The following GPHN variants were observed in gnomAD, a reference collection of about 807,000 sequenced individuals.
GPHN encodes the protein gephyrin.
Under a neutral mutation model 95.5 loss-of-function variants are expected in GPHN, and 17 were observed. That is an observed-to-expected ratio of 0.18 (90% CI 0.12 to 0.27). GPHN has a LOEUF of 0.27. GPHN is among the 10% of genes least tolerant of loss of function. The probability of loss-of-function intolerance (pLI) is 1.00; values close to 1 mark genes in which losing one functional copy is unlikely to be tolerated. For synonymous variants in GPHN, 320 were observed against 322.5 expected (o/e 0.99, Z 0.08); for missense variants, 660 against 978.1 (o/e 0.67, Z 4.34).
At chr14:67,393,034 CCTGT>C in the GPHN span, 1 of 934,328 alleles carries the variant, frequency 1.1e-6, no homozygotes, top group South Asian at 1.4e-5. Flanking sequence ...CTCAGGCTAG[CCTGT>C]TGCCCAGCAG....
chr14:67,578,169 C>G, the GPHN span: 7 of 1,613,914 alleles, frequency 4.3e-6, no homozygotes, highest in Non-Finnish European at 5.9e-6. The surrounding 1 kb of genome is among the most constrained non-coding windows in gnomAD (Gnocchi z 5.0). Context: ...AGACCAGCTG[C>G]CGCCCACCTC....
the GPHN span, chr14:67,585,157 C>A: frequency 6.1e-6 from 1 of 163,600 alleles, no homozygotes; most frequent in South Asian, 1.7e-4. Context: ...GTCAGAAGCA[C>A]TTCGGCTTGG....
chr14:66,685,007 TTTTGTAC>T (rs1053302352), intron 2 of GPHN, among the ~76,000 whole-genome samples: 1 of 152,216 alleles, frequency 6.6e-6, no homozygotes, highest in Non-Finnish European at 1.5e-5. Context: ...GTGTTTGTTT[TTTTGTAC>T]TTGGGATGGT....
chr14:67,055,957 G>A lies in GPHN; in HGVS notation c.1007-2692G>A, dbSNP rs532707825. 3.9e-5 allele frequency among the ~76,000 whole-genome samples: 6 copies of A among 152,256 alleles called. No individual in the cohort carries two copies. In the East Asian group the frequency reaches 7.7e-4, roughly 20 times the overall value. On this transcript the variant is annotated intron_variant, in intron 10 of 22. Transcript: ENST00000478722. The stretch of plus-strand genomic sequence containing the variant: ...GTTGTTCATTCCTTCCAGTGGGTTC[G>A]TGGTCTTGCTGGCTTCAGGAGTGAA...
intron 1 of GPHN, among the ~76,000 whole-genome samples, chr14:66,612,391 C>A (rs181047541): frequency 6.6e-6 from 1 of 151,948 alleles, no homozygotes; most frequent in South Asian, 2.1e-4. Context: ...TGCATACTTT[C>A]TACTCCTCTT....
intron 9 of GPHN, among the ~76,000 whole-genome samples, chr14:66,995,154 T>C (rs917296319): frequency 2.0e-4 from 31 of 152,320 alleles, no homozygotes; most frequent in African/African-American, 6.0e-4. Context: ...TCATCTTACA[T>C]GGCATTGTGA....
intron 21 of GPHN, among the ~76,000 whole-genome samples, chr14:67,178,386 GC>G (rs2083130491): frequency 6.6e-6 from 1 of 152,076 alleles, no homozygotes; most frequent in Non-Finnish European, 1.5e-5. Context: ...TTGATTATTG[GC>G]CCCCACTGTC....
chr14:67,349,178 T>C, the GPHN span: 1 of 1,385,284 alleles, frequency 7.2e-7, no homozygotes, highest in East Asian at 2.3e-5. Flanking sequence ...TGGATAGTTT[T>C]AACATTAAAT....
chr14:67,153,311 C>T (rs1047017551), intron 18 of GPHN, among the ~76,000 whole-genome samples: 4 of 152,074 alleles, frequency 2.6e-5, no homozygotes, highest in Non-Finnish European at 5.9e-5. Context: ...AAATGGGTGG[C>T]GTAAACATTT....
Position 66,972,652 on chromosome 14 carries a change from TTTAA to T in GPHN, c.963+7336_963+7339del, listed in dbSNP as rs551864286. ...ATTCAAGGGCCAAGTTTTAATTAATTTTAATTAATTAAATTTAATTTAACTAATA... is the reference window on the plus strand; with the variant it reads ...ATTCAAGGGCCAAGTTTTAATTAATTTTAATTAAATTTAATTTAACTAATA... On this transcript the variant is annotated intron_variant, in intron 9 of 22. Coordinates refer to ENST00000478722, the MANE Select transcript of GPHN (RefSeq NM_020806.5). Among the ~76,000 whole-genome samples, 455 of 151,898 alleles carry T rather than the reference TTTAA, an allele frequency of 3.0e-3. 3 individuals carry two copies. The highest frequency in any genetic ancestry group is 0.011 in the African/African-American group (437 of 41,520).
chr14:67,412,117 T>C, the GPHN span: 22 of 1,431,778 alleles, frequency 1.5e-5, no homozygotes, highest in Admixed American at 3.0e-4. Context: ...CTCGCGCTCC[T>C]CGGCACCCGC....
At chr14:67,597,347 A>G in the GPHN span, among the ~76,000 whole-genome samples, 2 of 152,134 alleles carry the variant, frequency 1.3e-5, no homozygotes, top group Non-Finnish European at 2.9e-5. Flanking sequence ...GTGTGGTGGC[A>G]CATGCCTGTA....
chr14:66,922,542 G>T lies in GPHN; in HGVS notation c.457-124G>T, dbSNP rs948845291. On this transcript the variant is annotated intron_variant, in intron 6 of 22. Coordinates refer to ENST00000478722, the MANE Select transcript of GPHN (RefSeq NM_020806.5). ...ATTGCTAAGACAATGTTTTACATAT[G>T]ATTGATTCTGAGATTGATGGAGGAA... The T allele has an allele frequency of 1.1e-4, 77 of 706,150 alleles. No individual in the cohort carries two copies. In the African/African-American group the frequency reaches 1.3e-3, roughly 12 times the overall value. 43.7% of individuals were successfully genotyped at this position (706,150 alleles called of 1,614,324 possible). A position where few individuals can be genotyped will look rare whatever the true frequency, so the allele number is the denominator to read the frequency against.
At chr14:66,869,023 A>G (rs536397022) in intron 4 of GPHN, among the ~76,000 whole-genome samples, 21 of 152,340 alleles carry the variant, frequency 1.4e-4, no homozygotes, top group South Asian at 6.2e-4. Context: ...TTAAACCTTT[A>G]TATTTTAGAC....
the GPHN span, among the ~76,000 whole-genome samples, chr14:67,468,923 A>ATTTT: frequency 1.3e-5 from 2 of 149,758 alleles, no homozygotes; most frequent in South Asian, 2.1e-4. Flanking sequence ...TTTTTTTAAA[A>ATTTT]AAAAAAGGGT....
At chr14:66,965,786 G>A (rs1179328249) in intron 9 of GPHN, among the ~76,000 whole-genome samples, 3 of 152,082 alleles carry the variant, frequency 2.0e-5, no homozygotes, top group Non-Finnish European at 4.4e-5. Context: ...ATTCATCTTG[G>A]AATGTTGCTG....
Position 66,609,719 on chromosome 14 carries a change from A to G in GPHN, c.65-71388A>G, listed in dbSNP as rs551068462. 1.0e-3 allele frequency among the ~76,000 whole-genome samples: 157 copies of G among 152,250 alleles called. 4 individuals carry two copies. In the South Asian group the frequency reaches 0.031, roughly 31 times the overall value. ...TGAGCTTCTTTTCTCAGCTTAGTCT[A>G]TTCTGCTGTAAATGCTTCTGATTGT... On this transcript the variant is annotated intron_variant, in intron 1 of 22. Transcript: ENST00000478722.
intron 11 of GPHN, among the ~76,000 whole-genome samples, chr14:67,069,638 T>G (rs958415768): frequency 2.6e-5 from 4 of 152,218 alleles, no homozygotes; most frequent in African/African-American, 7.2e-5. Context: ...TCATGTAATC[T>G]TAAATAAAAA....
chr14:67,630,829 T>C, the GPHN span, among the ~76,000 whole-genome samples: 1 of 152,184 alleles, frequency 6.6e-6, no homozygotes, highest in African/African-American at 2.4e-5. Flanking sequence ...GTGATCCACC[T>C]GCCTTGGCCT....
Sources: allele counts gnomAD v4.1 joint callset (sites outside exome capture counted in the v4.1 genomes callset), GRCh38; gene constraint gnomAD v4.1.1; non-coding constraint Gnocchi (gnomAD v3.1); transcripts MANE v1.5; gene names NCBI Gene and HGNC (gene_info 2026-07-23, HGNC 2026-07-21).